The following TMC1 variants were observed in gnomAD, a reference collection of about 807,000 sequenced individuals.
TMC1 encodes transmembrane channel-like protein 1.
TMC1 carries 84 observed loss-of-function variants against 105.8 expected under a neutral mutation model. The observed-to-expected ratio is 0.79, with a 90% CI of 0.67 to 0.95. TMC1 has a LOEUF of 0.95. TMC1 is among the 40% of genes least tolerant of loss of function. The pLI is 0.00. For synonymous variants in TMC1, 315 were observed against 311.5 expected (o/e 1.01, Z -0.12); for missense variants, 817 against 914.1 (o/e 0.89, Z 1.37).
chr9:72,825,388 C>T (rs1828936176), intron 20 of TMC1, among the ~76,000 whole-genome samples: 1 of 152,134 alleles, frequency 6.6e-6, no homozygotes, highest in Non-Finnish European at 1.5e-5. Flanking sequence ...GCTAACCTGG[C>T]AGGAGAAGGC....
At chr9:72,834,007 ATTCT>A (rs1165302958) in intron 23 of TMC1, among the ~76,000 whole-genome samples, 1 of 147,784 alleles carries the variant, frequency 6.8e-6, no homozygotes, top group Non-Finnish European at 1.5e-5. Flanking sequence ...TTGTTTACAA[ATTCT>A]TTCCATCCAT....
chr9:72,643,557 C>G (rs1049259118), intron 4 of TMC1, among the ~76,000 whole-genome samples: 3 of 151,938 alleles, frequency 2.0e-5, no homozygotes, highest in African/African-American at 7.2e-5. Flanking sequence ...AGCATGTGCT[C>G]TTTTTTTTGT....
At position 72,665,932 on chromosome 9, in the gene TMC1, G is replaced by A. The variant is rs1826035968; in HGVS notation, c.16+17268G>A. Among the ~76,000 whole-genome samples, 3 of 152,184 alleles carry A rather than the reference G, an allele frequency of 2.0e-5. No homozygotes were observed. In the South Asian group the frequency reaches 6.2e-4, roughly 32 times the overall value. On this transcript the variant is annotated intron_variant, in intron 5 of 23. Coordinates refer to ENST00000297784, the MANE Select transcript of TMC1 (RefSeq NM_138691.3). Reference sequence around the variant, plus strand: ...AGAATGACCTGCATGATGGCTTTCAGAAGTGGAGAACATGGCTCACAGTTC... The same window carrying A: ...AGAATGACCTGCATGATGGCTTTCAAAAGTGGAGAACATGGCTCACAGTTC...
At chr9:72,651,142 A>G (rs550393491) in intron 5 of TMC1, 21 of 149,868 alleles carry the variant, frequency 1.4e-4, no homozygotes, top group Non-Finnish European at 2.5e-4. Flanking sequence ...ATATATATAT[A>G]TATCACATTT....
intron 1 of TMC1, among the ~76,000 whole-genome samples, chr9:72,530,089 G>C (rs1351422884): frequency 6.6e-6 from 1 of 152,132 alleles, no homozygotes; most frequent in South Asian, 2.1e-4. Context: ...TGGGCAGGTG[G>C]GCATGAGACA....
chr9:72,742,577 C>A, intron 10 of TMC1, 52 bp downstream of exon 10: 2 of 1,432,934 alleles, frequency 1.4e-6, no homozygotes, highest in Non-Finnish European at 9.8e-7. Context: ...AGAAGTATCT[C>A]ATAAGCTTAT....
In TMC1 at chr9:72,521,670, A is replaced by C. The variant is rs1207429807; in HGVS notation, c.-671A>C. On this transcript the variant is annotated 5_prime_UTR_variant, in exon 1 of 24. Coordinates refer to ENST00000297784, the MANE Select transcript of TMC1 (RefSeq NM_138691.3). ...AGGCGGGAGAATCGCTTGAACCCGG[A>C]AGGCGGAGGTTGCAGTGAGCTGAAA... The C allele has an allele frequency of 1.3e-5, 2 of 151,738 alleles. No individual in the cohort carries two copies. Among genetic ancestry groups the C allele is most frequent in the South Asian group, 2.1e-4 (1 of 4,760 alleles). 9.4% of individuals were successfully genotyped at this position (151,738 alleles called of 1,614,324 possible). A position where few individuals can be genotyped will look rare whatever the true frequency, so the allele number is the denominator to read the frequency against.
At chr9:72,801,107 G>T (rs1396157804) in intron 17 of TMC1, among the ~76,000 whole-genome samples, 1 of 152,144 alleles carries the variant, frequency 6.6e-6, no homozygotes, top group Non-Finnish European at 1.5e-5. Flanking sequence ...CTCCAAGGAT[G>T]CTATGAGACT....
chr9:72,745,005 G>A (rs1034028800), intron 10 of TMC1, among the ~76,000 whole-genome samples: 5 of 152,260 alleles, frequency 3.3e-5, no homozygotes, highest in Admixed American at 2.6e-4. Flanking sequence ...GGAAAGCCAC[G>A]CTGGAAAATT....
In TMC1 at chr9:72,837,670, CT is replaced by C. The variant is rs1829147181; in HGVS notation, c.*1700del. ...TGCCCTCACTAGCCTTGTTGTGCGA[CT>C]TTAATTGCATAGCTTAACTCAGTGT... On this transcript the variant is annotated 3_prime_UTR_variant, in exon 24 of 24. Transcript: ENST00000297784. The C allele has an allele frequency of 6.6e-6, 1 of 152,206 alleles. No individual in the cohort carries two copies. 9.4% of individuals were successfully genotyped at this position (152,206 alleles called of 1,614,324 possible). A position where few individuals can be genotyped will look rare whatever the true frequency, so the allele number is the denominator to read the frequency against.
Position 72,694,597 on chromosome 9 carries a change from CA to C in TMC1, c.122del (p.Lys41ArgfsTer35). The C allele has an allele frequency of 6.2e-7, 1 of 1,612,958 alleles. No homozygotes were observed. On this transcript the variant is annotated frameshift_variant, in exon 7 of 24. Transcript: ENST00000297784. LOFTEE classifies it high-confidence loss of function. The stretch of plus-strand genomic sequence containing the variant: ...CTACCTCGAAGAGAGAGCTTGAGAC[CA>C]AAGAGGAAACGGACCAGAGATGTTA... The part of the protein sequence containing the change: ...DKLPRRESLR[P>X]KRKRTRDVIN...
At chr9:72,543,717 A>G (rs1823716267) in intron 1 of TMC1, among the ~76,000 whole-genome samples, 1 of 152,040 alleles carries the variant, frequency 6.6e-6, no homozygotes, top group South Asian at 2.1e-4. Context: ...GAGGCCATAT[A>G]TATATAAAGT....
At chr9:72,638,162 G>A (rs763082171) in intron 4 of TMC1, among the ~76,000 whole-genome samples, 26 of 151,648 alleles carry the variant, frequency 1.7e-4, no homozygotes, top group Non-Finnish European at 2.8e-4. Flanking sequence ...CTCTCCTCCC[G>A]CCCCCAGCCT....
chr9:72,730,285 G>A (rs183716580), intron 8 of TMC1, among the ~76,000 whole-genome samples: 5 of 152,228 alleles, frequency 3.3e-5, no homozygotes, highest in Admixed American at 2.6e-4. Context: ...CTGGGGAAGG[G>A]GAATTCTGAA....
chr9:72,606,631 AT>A (rs1824917795), intron 2 of TMC1, among the ~76,000 whole-genome samples: 1 of 152,068 alleles, frequency 6.6e-6, no homozygotes, highest in Non-Finnish European at 1.5e-5. Context: ...AGTAGGAATT[AT>A]TTTTTCTTGG....
chr9:72,726,818 T>C (rs1039625656), intron 8 of TMC1, among the ~76,000 whole-genome samples: 1 of 152,046 alleles, frequency 6.6e-6, no homozygotes, highest in Middle Eastern at 3.2e-3. Context: ...AAAACAGTTA[T>C]AATGCTTAGA....
intron 2 of TMC1, among the ~76,000 whole-genome samples, chr9:72,585,000 G>A (rs1346718308): frequency 6.6e-6 from 1 of 151,500 alleles, no homozygotes; most frequent in Non-Finnish European, 1.5e-5. Flanking sequence ...GGCCAGGCTG[G>A]TCTTAAACTC....
At chr9:72,730,974 A>G (rs1471310940) in intron 8 of TMC1, among the ~76,000 whole-genome samples, 1 of 152,220 alleles carries the variant, frequency 6.6e-6, no homozygotes, top group African/African-American at 2.4e-5. Flanking sequence ...GTAAATACAG[A>G]TGAAGCTTCA....
chr9:72,648,517 A>T (rs1825751175), intron 4 of TMC1, 80 bp from the exon 5 acceptor site: 1 of 796,128 alleles, frequency 1.3e-6, no homozygotes, highest in South Asian at 1.4e-5. Context: ...AAATGGCACC[A>T]GGGGAGCACT....
Sources: gnomAD v4.1 joint callset for allele counts (sites outside exome capture counted in the v4.1 genomes callset) on GRCh38, gnomAD v4.1.1 for gene constraint, MANE v1.5 for transcripts, NCBI Gene and HGNC (gene_info 2026-07-23, HGNC 2026-07-21) for gene names.